Variants in PVRIG observed in about 807,000 individuals in gnomAD.
PVRIG encodes the protein PVR related immunoglobulin domain containing.
PVRIG carries 16 observed loss-of-function variants against 21.9 expected under a neutral mutation model. The ratio of observed to expected loss-of-function variants is 0.73; its 90% confidence interval spans 0.50 to 1.11. The LOEUF (loss-of-function observed/expected upper bound fraction) is 1.11, where lower values mean the gene tolerates loss of function less well. Among genes scored for constraint, PVRIG ranks in the 50% most tolerant of loss-of-function variants. PVRIG has a pLI of 0.00. For missense variants in PVRIG, 435 were observed against 445.7 expected (o/e 0.98, Z 0.22); for synonymous variants, 190 against 181.0 (o/e 1.05, Z -0.40).
At chr7:100,219,789 C>T (rs1803083995) in exon 2 of PVRIG, 2 of 780,906 alleles carry the variant, frequency 2.6e-6, no homozygotes, top group Admixed American at 2.2e-5. Flanking sequence ...GGGGACTGAG[C>T]AGGCCCTCAC....
At chr7:100,220,996 A>G in exon 6 of PVRIG, 1 of 1,602,960 alleles carries the variant, frequency 6.2e-7, no homozygotes, top group Non-Finnish European at 8.5e-7. Flanking sequence ...GCTGCCGCCC[A>G]GCTACTTTGG....
At chr7:100,221,022 A>G (rs199878372) in exon 6 of PVRIG, 11 of 1,612,082 alleles carry the variant, frequency 6.8e-6, no homozygotes, top group African/African-American at 4.0e-5. Flanking sequence ...GCTCACCCCC[A>G]TGGGGGGCCG....
rs4727450 is a variant in PVRIG, at chr7:100,220,478, G to A, written c.469+14G>A. 0.024 allele frequency: 37,931 copies of A among 1,612,088 alleles called. 4,492 individuals carry two copies. In the Admixed American group the frequency reaches 0.27, roughly 12 times the overall value. On this transcript the variant is annotated intron_variant, in intron 3 of 5. Coordinates refer to ENST00000317271, the Ensembl canonical transcript of PVRIG. Reference sequence around the variant, plus strand: ...GCTCAGACCCAGGTGGGGCCGGGGCGAGGGGTCCAGGAGGGCAGGGAGGGG... The same window carrying A: ...GCTCAGACCCAGGTGGGGCCGGGGCAAGGGGTCCAGGAGGGCAGGGAGGGG...
chr7:100,220,777 A>C (rs775005593), exon 5 of PVRIG: 2 of 1,605,930 alleles, frequency 1.2e-6, no homozygotes, highest in Non-Finnish European at 1.7e-6. Context: ...CCTAGGCTCC[A>C]GCCGTCCCGC....
exon 6 of PVRIG, chr7:100,221,128 C>T (rs1428352837): frequency 5.6e-6 from 9 of 1,613,808 alleles, no homozygotes; most frequent in Non-Finnish European, 7.6e-6. Context: ...GCAGCTTTGT[C>T]TCTGTTGAGA....
intron 5 of PVRIG, 50 bp from the exon 5 acceptor site, chr7:100,220,878 G>A (rs760859702): frequency 1.3e-6 from 2 of 1,598,728 alleles, no homozygotes; most frequent in South Asian, 2.2e-5. Flanking sequence ...GGGGGGCCAG[G>A]GCTGGGCCCA....
chr7:100,221,210 CG>C lies in PVRIG; in HGVS notation c.945del (p.Arg317GlyfsTer7). 1.2e-6 allele frequency: 2 copies of C among 1,606,344 alleles called. No homozygotes were observed. On this transcript the variant is annotated frameshift_variant, in exon 6 of 6. Transcript: ENST00000317271. LOFTEE classifies it low-confidence loss of function (END_TRUNC). ...CGGCCTCACTCTTTTCCCTGACCCTCGGGGGCCCAGGGCCATGGAAGGACCC... is the reference window on the plus strand; with the variant it reads ...CGGCCTCACTCTTTTCCCTGACCCTCGGGGCCCAGGGCCATGGAAGGACCC...
At chr7:100,219,774 G>A in exon 2 of PVRIG, 1 of 734,332 alleles carries the variant, frequency 1.4e-6, no homozygotes, top group South Asian at 1.7e-5. Context: ...TGGAAGCACA[G>A]CCTTGGGGAC....
chr7:100,221,203 T>G (rs1563029099), exon 6 of PVRIG: 1 of 1,608,150 alleles, frequency 6.2e-7, no homozygotes, highest in Non-Finnish European at 8.5e-7. Context: ...CTCTTTTCCC[T>G]GACCCTCGGG....
chr7:100,220,683 G>C lies in PVRIG; in HGVS notation c.596+10G>C, dbSNP rs1243658719. On this transcript the variant is annotated intron_variant, in intron 4 of 5. Coordinates refer to ENST00000317271, the Ensembl canonical transcript of PVRIG. ...GCCGACATAAGCACCGGTGAGACCT[G>C]GTCCCTGTCCACGTCCCCCTGACAC... 6.2e-7 allele frequency: 1 copy of C among 1,610,294 alleles called. No individual in the cohort carries two copies. The highest frequency in any genetic ancestry group is 1.7e-5 in the Admixed American group (1 of 59,984).
In PVRIG at chr7:100,219,647, C is replaced by T. The variant is rs894937226; in HGVS notation, c.-198-66C>T. The T allele has an allele frequency of 1.3e-5, 7 of 557,352 alleles. No homozygotes were observed. In the South Asian group the frequency reaches 1.3e-4, roughly 10 times the overall value. The allele number at this position is 557,352 out of a possible 1,614,324, so 34.5% of individuals were successfully genotyped here. A position where few individuals can be genotyped will look rare whatever the true frequency, so the allele number is the denominator to read the frequency against. ...TCTTAGGGAAGCCCGGCACCCCTTG[C>T]TGTCCAGGGAAGGGGAGTCCTTCTA... On this transcript the variant is annotated intron_variant, in intron 1 of 5. Coordinates refer to ENST00000317271, the Ensembl canonical transcript of PVRIG.
chr7:100,220,226 G>T (rs116094351), exon 3 of PVRIG: 6 of 1,589,870 alleles, frequency 3.8e-6, no homozygotes, highest in Non-Finnish European at 5.1e-6. Context: ...CTGTGAGCTG[G>T]GGGGGCCCCA....
At chr7:100,220,250 G>A (rs1174908840) in exon 3 of PVRIG, 2 of 1,572,376 alleles carry the variant, frequency 1.3e-6, no homozygotes, top group Admixed American at 1.9e-5. Flanking sequence ...GTGCTGGGGG[G>A]ACCACGCTGG....
chr7:100,219,975 G>A (rs759839128), exon 2 of PVRIG: 2 of 1,585,776 alleles, frequency 1.3e-6, no homozygotes, highest in South Asian at 1.2e-5. Context: ...GGGGCCATGG[G>A]GCACCGGACC....
chr7:100,220,803 C>T (rs1302326268), exon 5 of PVRIG: 5 of 1,606,464 alleles, frequency 3.1e-6, no homozygotes, highest in Non-Finnish European at 4.2e-6. Flanking sequence ...CCCCCAGGCA[C>T]CGAGAGCACG....
exon 3 of PVRIG, chr7:100,220,258 T>C (rs1803138451): frequency 6.4e-7 from 1 of 1,568,864 alleles, no homozygotes. Flanking sequence ...GGGACCACGC[T>C]GGCTGTGTTG....
chr7:100,219,849 A>G (rs1803087831), exon 2 of PVRIG: 1 of 1,300,430 alleles, frequency 7.7e-7, no homozygotes, highest in African/African-American at 1.5e-5. Flanking sequence ...ACCTCTGGGG[A>G]AGGTGTGAGA....
At chr7:100,220,279 G>A (rs779814099) in exon 3 of PVRIG, 51 of 1,562,554 alleles carry the variant, frequency 3.3e-5, no homozygotes, top group Non-Finnish European at 4.2e-5. Flanking sequence ...CACCCAGAAC[G>A]TGGCATCCGG....
chr7:100,220,573 C>T (rs754899595), exon 4 of PVRIG: 1 of 1,612,124 alleles, frequency 6.2e-7, no homozygotes, highest in South Asian at 1.1e-5. Flanking sequence ...GACTCCTGCC[C>T]CCATTCTGCG....
Sources: gnomAD v4.1 joint callset for allele counts on GRCh38, gnomAD v4.1.1 for gene constraint, MANE v1.5 for transcripts, NCBI Gene and HGNC (gene_info 2026-07-23, HGNC 2026-07-21) for gene names.